The following SPMIP3 variants were observed in gnomAD, a reference collection of about 807,000 sequenced individuals.
The protein encoded by SPMIP3 is protein SPMIP3.
At chr1:244,375,395 G>T in the SPMIP3 span, 1 of 1,613,850 alleles carries the variant, frequency 6.2e-7, no homozygotes, top group African/African-American at 1.3e-5. Flanking sequence ...CACCAAGGAA[G>T]AGACGTTCAA....
chr1:244,372,704 A>G, the SPMIP3 span, among the ~76,000 whole-genome samples: 40 of 152,238 alleles, frequency 2.6e-4, no homozygotes, highest in African/African-American at 6.7e-4. Context: ...TGGCCTCCCA[A>G]AGTGCTGGGA....
chr1:244,373,789 T>C, the SPMIP3 span, among the ~76,000 whole-genome samples: 3 of 151,850 alleles, frequency 2.0e-5, no homozygotes, highest in Non-Finnish European at 2.9e-5. Flanking sequence ...ATAACTATAA[T>C]ATAAAAGGAA....
At chr1:244,359,421 C>A in the SPMIP3 span, among the ~76,000 whole-genome samples, 1 of 152,096 alleles carries the variant, frequency 6.6e-6, no homozygotes, top group Non-Finnish European at 1.5e-5. Flanking sequence ...AAAAGAAAAT[C>A]TGATTTTAAA....
the SPMIP3 span, among the ~76,000 whole-genome samples, chr1:244,359,349 A>T: frequency 6.6e-6 from 1 of 152,196 alleles, no homozygotes; most frequent in South Asian, 2.1e-4. Flanking sequence ...ATATTTGCAA[A>T]CTACCCATCT....
At chr1:244,365,531 T>C in the SPMIP3 span, among the ~76,000 whole-genome samples, 2 of 152,238 alleles carry the variant, frequency 1.3e-5, no homozygotes, top group South Asian at 4.2e-4. Flanking sequence ...GAACTGTGAG[T>C]CCATTAAACC....
At chr1:244,387,298 A>G in the SPMIP3 span, among the ~76,000 whole-genome samples, 2 of 140,030 alleles carry the variant, frequency 1.4e-5, no homozygotes, top group East Asian at 2.0e-4. Context: ...ACTCCGTCTG[A>G]AAAAAAAAAA....
chr1:244,384,026 A>G, the SPMIP3 span, among the ~76,000 whole-genome samples: 1 of 152,158 alleles, frequency 6.6e-6, no homozygotes, highest in Non-Finnish European at 1.5e-5. Flanking sequence ...ACCACTAAAG[A>G]GCTTACCATG....
At chr1:244,377,373 G>A in the SPMIP3 span, among the ~76,000 whole-genome samples, 7 of 152,046 alleles carry the variant, frequency 4.6e-5, no homozygotes, top group Admixed American at 2.6e-4. Context: ...CGCCTGCCTC[G>A]GCCTCCCAAA....
the SPMIP3 span, among the ~76,000 whole-genome samples, chr1:244,354,712 A>AT: frequency 6.6e-6 from 1 of 152,162 alleles, no homozygotes; most frequent in Non-Finnish European, 1.5e-5. Context: ...AGAGATGCCA[A>AT]TTTTTTAAAT....
At chr1:244,372,656 G>C in the SPMIP3 span, among the ~76,000 whole-genome samples, 4 of 152,162 alleles carry the variant, frequency 2.6e-5, no homozygotes, top group East Asian at 3.9e-4. Context: ...CGTTAGCCAG[G>C]ATGGTCTCGA....
chr1:244,388,896 A>G, the SPMIP3 span: 1 of 1,405,360 alleles, frequency 7.1e-7, no homozygotes, highest in South Asian at 1.2e-5. Flanking sequence ...ACAGTGTGTT[A>G]AAAATTAGGA....
chr1:244,381,439 T>G, the SPMIP3 span, among the ~76,000 whole-genome samples: 2 of 152,218 alleles, frequency 1.3e-5, no homozygotes, highest in Non-Finnish European at 2.9e-5. Flanking sequence ...TTGCTTAGTT[T>G]AGAAAACAGT....
At chr1:244,379,513 C>T in the SPMIP3 span, among the ~76,000 whole-genome samples, 1 of 152,164 alleles carries the variant, frequency 6.6e-6, no homozygotes, top group Non-Finnish European at 1.5e-5. Flanking sequence ...GTTGACCACT[C>T]TTCACTGAGC....
At chr1:244,375,106 A>G in the SPMIP3 span, 1 of 237,002 alleles carries the variant, frequency 4.2e-6, no homozygotes. Flanking sequence ...TGAATCCTGA[A>G]CATAAATAAC....
chr1:244,378,369 G>A, the SPMIP3 span: 1 of 1,252,370 alleles, frequency 8.0e-7, no homozygotes, highest in East Asian at 2.4e-5. Context: ...CTCTCTGTTA[G>A]CCTCACGGCC....
chr1:244,379,689 C>G, the SPMIP3 span, among the ~76,000 whole-genome samples: 7 of 152,058 alleles, frequency 4.6e-5, no homozygotes, highest in Non-Finnish European at 7.4e-5. Context: ...TAAAAAAATA[C>G]TGAAAGGGGG....
the SPMIP3 span, among the ~76,000 whole-genome samples, chr1:244,356,831 C>T: frequency 2.0e-5 from 3 of 151,888 alleles, no homozygotes; most frequent in Non-Finnish European, 4.4e-5. Flanking sequence ...CAAATGTTTA[C>T]CATGTGCTAA....
At chr1:244,375,627 A>ATT in the SPMIP3 span, 1 of 493,982 alleles carries the variant, frequency 2.0e-6, no homozygotes. Context: ...CAAACTGTTA[A>ATT]TGTTTTTTTT....
At chr1:244,353,092 A>G in the SPMIP3 span, among the ~76,000 whole-genome samples, 224 of 152,336 alleles carry the variant, frequency 1.5e-3, 1 homozygote, top group African/African-American at 5.0e-3. Context: ...TTATTCACTC[A>G]TTCTGAAGTA....
Sources: allele counts gnomAD v4.1 joint callset (sites outside exome capture counted in the v4.1 genomes callset), GRCh38; gene constraint gnomAD v4.1.1; transcripts MANE v1.5; gene names NCBI Gene and HGNC (gene_info 2026-07-23, HGNC 2026-07-21).